CREB3L2: variants seen among roughly 807,000 people sequenced by gnomAD.
CREB3L2 encodes cAMP responsive element binding protein 3 like 2.
A neutral mutation model predicts 57.2 loss-of-function variants in CREB3L2; 23 were observed. The ratio of observed to expected loss-of-function variants is 0.40; its 90% CI spans 0.29 to 0.57. The LOEUF (loss-of-function observed/expected upper bound fraction) is 0.57, where lower values mean the gene tolerates loss of function less well. Ranked by LOEUF, CREB3L2 falls within the 20% of genes least tolerant of loss-of-function variation. The pLI, the probability that CREB3L2 is intolerant of heterozygous loss-of-function variation, is 0.42. For synonymous variants in CREB3L2, 268 were observed against 265.1 expected (o/e 1.01, Z -0.11); for missense variants, 628 against 634.7 (o/e 0.99, Z 0.11).
intron 9 of CREB3L2, 128 bp downstream of exon 9, chr7:137,885,275 G>T: frequency 1.7e-6 from 2 of 1,166,474 alleles, no homozygotes; most frequent in East Asian, 2.4e-5. Context: ...CCGAGGAACA[G>T]CCTCAGAGTG....
rs963690180 is a variant in CREB3L2, at chr7:137,878,514, A to G, written c.*1962T>C. ...CCAGGCCCAACAGGATCTGGGCTGC[A>G]GACAGTGGAGCAGAGAGAAGCAGAA... is the stretch of plus-strand genomic sequence containing the variant. On this transcript the variant is annotated 3_prime_UTR_variant, in exon 12 of 12. Transcript: ENST00000330387. 1.7e-5 allele frequency: 4 copies of G among 233,450 alleles called. No individual in the cohort carries two copies. The highest frequency in any genetic ancestry group is 5.6e-5 in the Admixed American group (1 of 17,768). The allele number at this position is 233,450 out of a possible 1,614,324, so 14.5% of individuals were successfully genotyped here. A position where few individuals can be genotyped will look rare whatever the true frequency, so the allele number is the denominator to read the frequency against.
At chr7:137,922,145 C>T (rs1421035006) in intron 2 of CREB3L2, among the ~76,000 whole-genome samples, 2 of 151,488 alleles carry the variant, frequency 1.3e-5, no homozygotes, top group East Asian at 3.9e-4. Flanking sequence ...ATTCCCCTAC[C>T]TGCTCCTTTT....
At chr7:137,930,511 C>T (rs1466341025) in intron 1 of CREB3L2, among the ~76,000 whole-genome samples, 1 of 152,168 alleles carries the variant, frequency 6.6e-6, no homozygotes, top group Non-Finnish European at 1.5e-5. Context: ...CTAGAGCTGG[C>T]GCTCTAAGAT....
chr7:137,912,757 G>A, intron 4 of CREB3L2: 1 of 1,243,288 alleles, frequency 8.0e-7, no homozygotes, highest in Non-Finnish European at 1.1e-6. Flanking sequence ...AGAAGTAAAA[G>A]TATGGTAACA....
At chr7:137,958,503 A>C (rs968285739) in intron 1 of CREB3L2, among the ~76,000 whole-genome samples, 15 of 150,960 alleles carry the variant, frequency 9.9e-5, no homozygotes, top group African/African-American at 3.4e-4. Flanking sequence ...CTGCCTGTTC[A>C]AAAAAAAAGA....
chr7:137,891,703 G>A (rs1382677054), intron 8 of CREB3L2, among the ~76,000 whole-genome samples: 2 of 152,156 alleles, frequency 1.3e-5, no homozygotes, highest in East Asian at 1.9e-4. Context: ...AGCCTCCTGA[G>A]TAGCTGGGAT....
intron 1 of CREB3L2, among the ~76,000 whole-genome samples, chr7:137,929,370 G>A (rs1040295240): frequency 7.9e-5 from 12 of 152,018 alleles, no homozygotes; most frequent in African/African-American, 2.9e-4. Flanking sequence ...AATTCGTTGT[G>A]AAGGGCAGGG....
intron 1 of CREB3L2, among the ~76,000 whole-genome samples, chr7:137,998,317 G>C (rs1363360731): frequency 6.6e-6 from 1 of 152,242 alleles, no homozygotes; most frequent in African/African-American, 2.4e-5. Flanking sequence ...TGCTAAAACA[G>C]AGCATTAGCA....
intron 1 of CREB3L2, among the ~76,000 whole-genome samples, chr7:137,959,219 AC>A (rs1349036182): frequency 6.6e-6 from 1 of 152,240 alleles, no homozygotes. Flanking sequence ...GCTTTGGCCA[AC>A]ACAATGAAGT....
intron 1 of CREB3L2, among the ~76,000 whole-genome samples, chr7:137,975,645 A>C (rs1801593942): frequency 1.3e-5 from 2 of 152,166 alleles, no homozygotes; most frequent in Non-Finnish European, 2.9e-5. Context: ...CTTCTCCTAG[A>C]TGCTCTCTGC....
intron 2 of CREB3L2, among the ~76,000 whole-genome samples, chr7:137,916,584 G>A (rs1360259492): frequency 6.6e-6 from 1 of 152,100 alleles, no homozygotes; most frequent in Non-Finnish European, 1.5e-5. Context: ...TAGGTGCAGT[G>A]GTGAGCATCT....
intron 1 of CREB3L2, among the ~76,000 whole-genome samples, chr7:137,973,621 T>C (rs1469705335): frequency 6.6e-6 from 1 of 152,190 alleles, no homozygotes; most frequent in South Asian, 2.1e-4. Flanking sequence ...AGACTTATTA[T>C]GATGGATCTG....
At position 137,886,440 on chromosome 7, in the gene CREB3L2, CAG is replaced by C. The variant is rs142563592; in HGVS notation, c.1044-940_1044-939del. Among the ~76,000 whole-genome samples the C allele has an allele frequency of 2.7e-4, 40 of 150,750 alleles. No homozygotes were observed. In the East Asian group the frequency reaches 7.6e-3, roughly 29 times the overall value. ...GGGGCTGTGACTGGAAATGCCAACA[CAG>C]AGTAACAGGCATTCACAGGCAGGTT... is the stretch of plus-strand genomic sequence containing the variant. On this transcript the variant is annotated intron_variant, in intron 8 of 11. Coordinates refer to ENST00000330387, the MANE Select transcript of CREB3L2 (RefSeq NM_194071.4).
chr7:137,949,552 C>T (rs1164018563), intron 1 of CREB3L2, among the ~76,000 whole-genome samples: 1 of 152,170 alleles, frequency 6.6e-6, no homozygotes, highest in African/African-American at 2.4e-5. Context: ...ACCAGTGTTG[C>T]ACTAGCCTCT....
At chr7:137,970,679 G>A (rs1801491668) in intron 1 of CREB3L2, among the ~76,000 whole-genome samples, 1 of 152,186 alleles carries the variant, frequency 6.6e-6, no homozygotes, top group Non-Finnish European at 1.5e-5. Context: ...TCAGGTCAAG[G>A]AACTGAAGAG....
chr7:137,927,785 C>CAG (rs1800507317), intron 2 of CREB3L2, among the ~76,000 whole-genome samples: 1 of 63,112 alleles, frequency 1.6e-5, no homozygotes, highest in Non-Finnish European at 3.1e-5. Context: ...AGTTCTTTCT[C>CAG]AGAAAAAAAA....
intron 1 of CREB3L2, among the ~76,000 whole-genome samples, chr7:137,966,396 T>C (rs1342627377): frequency 1.3e-5 from 2 of 152,190 alleles, no homozygotes; most frequent in Non-Finnish European, 2.9e-5. Flanking sequence ...AAGAAAACTG[T>C]TAATACATTG....
At chr7:137,932,577 A>AAACAAC (rs564690931) in intron 1 of CREB3L2, among the ~76,000 whole-genome samples, 1 of 152,032 alleles carries the variant, frequency 6.6e-6, no homozygotes, top group Non-Finnish European at 1.5e-5. Context: ...TACAAAAAAT[A>AAACAAC]AACAACAACA....
chr7:137,892,751 C>T (rs947352503), intron 8 of CREB3L2, among the ~76,000 whole-genome samples: 10 of 152,140 alleles, frequency 6.6e-5, no homozygotes, highest in Non-Finnish European at 1.0e-4. Flanking sequence ...CTTCCCACCC[C>T]ACCCGAGTCA....
Sources: allele counts gnomAD v4.1 joint callset (sites outside exome capture counted in the v4.1 genomes callset), GRCh38; gene constraint gnomAD v4.1.1; transcripts MANE v1.5; gene names NCBI Gene and HGNC (gene_info 2026-07-23, HGNC 2026-07-21).